BTBD8: variants seen among roughly 807,000 people sequenced by gnomAD.
BTBD8 encodes BTB domain containing 8, also known as BTB/POZ domain-containing protein 8.
In BTBD8, 110 loss-of-function variants were observed where a neutral mutation model predicts 162.9. The ratio of observed to expected loss-of-function variants is 0.68; its 90% confidence interval spans 0.58 to 0.79. BTBD8 has a LOEUF of 0.79. Among genes scored for constraint, BTBD8 ranks in the 30% least tolerant of loss-of-function variants. The pLI is 0.00. For synonymous variants in BTBD8, 667 were observed against 716.1 expected, an observed-to-expected ratio of 0.93 and a Z score of 1.10; for missense variants, 1,905 against 2,085.4, an observed-to-expected ratio of 0.91 and a Z score of 1.68.
intron 12 of BTBD8, among the ~76,000 whole-genome samples, chr1:92,169,911 CAA>C (rs1297479714): frequency 6.6e-6 from 1 of 152,026 alleles, no homozygotes; most frequent in African/African-American, 2.4e-5. Context: ...TTATTTTAAA[CAA>C]AAATTATGAG....
chr1:92,169,050 A>T (rs1456199622), intron 12 of BTBD8, 55 bp downstream of exon 12: 1 of 1,433,356 alleles, frequency 7.0e-7, no homozygotes, highest in Non-Finnish European at 9.4e-7. Context: ...GTGACAGCAG[A>T]TATTTTGAGG....
chr1:92,181,944 A>C lies in BTBD8; in HGVS notation c.4261A>C (p.Thr1421Pro), dbSNP rs1264461169. The change falls in exon 17 of 18, where the codon ACT becomes CCT. Residue 1421 changes from threonine to proline, a missense_variant. Transcript: ENST00000636805. ...GIINLAFEDA[T>P]ENECREFSAT... The stretch of plus-strand genomic sequence containing the variant: ...AATTAATTTAGCTTTTGAAGATGCA[A>C]CTGAAAATGAATGTCGTGAATTTTC... 2.6e-6 allele frequency: 4 copies of C among 1,551,702 alleles called. No homozygotes were observed. In the South Asian group the frequency reaches 4.8e-5, roughly 18 times the overall value.
chr1:92,091,150 G>A (rs920345629), intron 2 of BTBD8, among the ~76,000 whole-genome samples: 5 of 152,168 alleles, frequency 3.3e-5, no homozygotes, highest in African/African-American at 9.7e-5. Flanking sequence ...GATCATGGGG[G>A]TGGATTTCCC....
rs1282501402 is a variant in BTBD8, at chr1:92,177,153, T to A, written c.1960T>A (p.Ser654Thr). ...TGATAAGGCACGGTTGGAAAACATGTCACCTAGACAAGTTGTAGAAAGATC... is the reference window on the plus strand; with the variant it reads ...TGATAAGGCACGGTTGGAAAACATGACACCTAGACAAGTTGTAGAAAGATC... ...NGDKARLENM[S>T]PRQVVERSAT... The change falls in exon 14 of 18, where the codon TCA (serine) becomes ACA (threonine). Residue 654 changes from serine (S) to threonine (T), a missense_variant. By Grantham distance (58) the Ser-to-Thr change is moderately conservative (BLOSUM62 1). Coordinates refer to ENST00000636805, the MANE Select transcript of BTBD8 (RefSeq NM_001376131.1). The A allele has an allele frequency of 1.3e-6, 2 of 1,551,702 alleles. No homozygotes were observed. The highest frequency in any genetic ancestry group is 2.4e-5 in the South Asian group (2 of 84,064).
intron 9 of BTBD8, among the ~76,000 whole-genome samples, chr1:92,157,332 T>C (rs901816750): frequency 2.0e-5 from 3 of 152,186 alleles, no homozygotes; most frequent in African/African-American, 7.2e-5. Context: ...TGACCGAACA[T>C]GATAGATTCT....
intron 9 of BTBD8, among the ~76,000 whole-genome samples, chr1:92,163,928 C>G (rs1326854439): frequency 1.3e-5 from 2 of 152,104 alleles, no homozygotes; most frequent in Non-Finnish European, 2.9e-5. Context: ...ATGCTACTGT[C>G]AGAGCACATC....
chr1:92,162,478 A>G (rs944204286), intron 9 of BTBD8, among the ~76,000 whole-genome samples: 1 of 152,344 alleles, frequency 6.6e-6, no homozygotes, highest in East Asian at 1.9e-4. Context: ...ATTGAGTCCC[A>G]GTTGCCTACA....
rs1413885773 is a variant in BTBD8, at chr1:92,178,346, G to A, written c.2476G>A (p.Glu826Lys). Residue 826 changes from glutamate (E) to lysine (K), a missense_variant, in exon 16 of 18, where the codon GAG becomes AAG. By Grantham distance (56) the Glu-to-Lys change is moderately conservative (BLOSUM62 1). Around this residue, in one of 3 missense-constraint regions of BTBD8, gnomAD observed 1,374 missense variants for 1,442.7 expected, o/e 0.95. Transcript: ENST00000636805. The part of the protein sequence containing the change: ...LKKVSGKGCS[E>K]PVPQAILKKR... ...GAAAGTCAGTGGCAAAGGATGTAGTGAGCCAGTACCACAGGCAATTTTGAA... is the reference window on the plus strand; with the variant it reads ...GAAAGTCAGTGGCAAAGGATGTAGTAAGCCAGTACCACAGGCAATTTTGAA... The A allele has an allele frequency of 7.1e-6, 11 of 1,551,362 alleles. No homozygotes were observed. Among genetic ancestry groups the A allele is most frequent in the Non-Finnish European group, 9.6e-6 (11 of 1,146,676 alleles).
Position 92,119,713 on chromosome 1 carries a change from G to C in BTBD8, c.663-9974G>C, listed in dbSNP as rs564695702. ...GCGATCTCGGCTCACTGCAAGCTCC[G>C]CCTTCCGGGTTCACGCCGTTCTCCT... On this transcript the variant is annotated intron_variant, in intron 4 of 17. Transcript: ENST00000636805. Among the ~76,000 whole-genome samples the C allele has an allele frequency of 3.8e-4, 55 of 143,582 alleles. 1 individual carries two copies. Among genetic ancestry groups the C allele is most frequent in the African/African-American group, 1.4e-3 (53 of 38,520 alleles). 94.2% of individuals were successfully genotyped at this position (143,582 alleles called of 152,430 possible).
intron 9 of BTBD8, among the ~76,000 whole-genome samples, chr1:92,161,741 G>C (rs1482221528): frequency 6.6e-6 from 1 of 152,142 alleles, no homozygotes; most frequent in East Asian, 1.9e-4. Context: ...TAAATATTCT[G>C]ATTTATTCCT....
At position 92,181,594 on chromosome 1, in the gene BTBD8, C is replaced by T. The variant is rs1270868334; in HGVS notation, c.3911C>T (p.Thr1304Ile). 5 of 1,551,176 alleles carry T rather than the reference C, an allele frequency of 3.2e-6. No individual in the cohort carries two copies. The highest frequency in any genetic ancestry group is 4.4e-6 in the Non-Finnish European group (5 of 1,146,730). The change falls in exon 17 of 18, where the codon ACC becomes ATC. Residue 1304 changes from threonine (T) to isoleucine (I), a missense_variant. Transcript: ENST00000636805. ...TTTCTTGGAAGAAGTAGCAGTGATACCAGTACTCCTGAAGAATTAAAAATT... is the reference window on the plus strand; with the variant it reads ...TTTCTTGGAAGAAGTAGCAGTGATATCAGTACTCCTGAAGAATTAAAAATT... ...HDFLGRSSSD[T>I]STPEELKIYD...
At chr1:92,129,866 A>T in intron 5 of BTBD8, 90 bp downstream of exon 5, 4 of 1,081,952 alleles carry the variant, frequency 3.7e-6, no homozygotes, top group Non-Finnish European at 5.6e-6. Flanking sequence ...ATTTCCCTGG[A>T]TGTTCAAGGA....
rs780286621 is a variant in BTBD8 at position 92,091,131 on chromosome 1, A to T, written c.347+2236A>T. On this transcript the variant is annotated intron_variant, in intron 2 of 17. Transcript: ENST00000636805. ...AGTGTTGGAGGAGGGGCCTAGTGGG[A>T]GGTGATTGGATCATGGGGGTGGATT... Among the ~76,000 whole-genome samples, 59 of 151,972 alleles carry T rather than the reference A, an allele frequency of 3.9e-4. 1 individual carries two copies. Among genetic ancestry groups the T allele is most frequent in the Admixed American group, 7.9e-4 (12 of 15,246 alleles).
At chr1:92,121,832 TA>T (rs1398716400) in intron 4 of BTBD8, among the ~76,000 whole-genome samples, 2 of 151,960 alleles carry the variant, frequency 1.3e-5, no homozygotes, top group Non-Finnish European at 2.9e-5. Context: ...TTTGCCCATT[TA>T]TTTTTTTATT....
At chr1:92,117,940 G>T (rs1303113778) in intron 4 of BTBD8, among the ~76,000 whole-genome samples, 2 of 151,970 alleles carry the variant, frequency 1.3e-5, no homozygotes, top group Non-Finnish European at 2.9e-5. Context: ...TTAAATGGAA[G>T]GTAGGGAAGT....
In BTBD8 at chr1:92,184,207, C is replaced by T. The variant is rs1438795616; in HGVS notation, c.5256C>T (p.Asn1752=). 6.4e-7 allele frequency: 1 copy of T among 1,551,414 alleles called. No homozygotes were observed. Among genetic ancestry groups the T allele is most frequent in the African/African-American group, 1.4e-5 (1 of 73,054 alleles). The change falls in exon 18 of 18, where the codon AAC becomes AAT. Residue 1752 remains asparagine, a synonymous_variant. Coordinates refer to ENST00000636805, the MANE Select transcript of BTBD8 (RefSeq NM_001376131.1). ...GTATAACACATATTGACACTTTGAA[C>T]AGATGGAGTGAACTAACATCTCCAC... ...PQGITHIDTL[N]RWSELTSPLD...
chr1:92,146,877 T>G (rs1003294833), intron 7 of BTBD8, among the ~76,000 whole-genome samples: 1 of 152,186 alleles, frequency 6.6e-6, no homozygotes, highest in Non-Finnish European at 1.5e-5. Context: ...CATGGTTGCT[T>G]CCAAGTTTGG....
chr1:92,141,625 T>TTCTCTTATGCCAGTC (rs1294732345), intron 7 of BTBD8, among the ~76,000 whole-genome samples: 1 of 152,194 alleles, frequency 6.6e-6, no homozygotes, highest in African/African-American at 2.4e-5. Flanking sequence ...TGGAATGTAG[T>TTCTCTTATGCCAGTC]TCTCTTATGC....
At position 92,166,982 on chromosome 1, in the gene BTBD8, C is replaced by G; in HGVS notation, c.1147C>G (p.Leu383Val). The change falls in exon 10 of 18, where the codon CTG (leucine) becomes GTG (valine). Residue 383 changes from leucine (L) to valine (V), a missense_variant. By Grantham distance (32) the Leu-to-Val change is conservative (BLOSUM62 1). Around this residue, in one of 3 missense-constraint regions of BTBD8, gnomAD observed 1,374 missense variants for 1,442.7 expected, o/e 0.95. Transcript: ENST00000636805. ...SLNDKNAAFL[L>V]MESDRLIISL... Reference sequence around the variant, plus strand: ...GAATGATAAGAATGCTGCTTTTCTTCTGATGGAAAGTGACAGGCTAATCAT... The same window carrying G: ...GAATGATAAGAATGCTGCTTTTCTTGTGATGGAAAGTGACAGGCTAATCAT... The G allele has an allele frequency of 1.3e-6, 2 of 1,546,312 alleles. No homozygotes were observed. Among genetic ancestry groups the G allele is most frequent in the Non-Finnish European group, 1.7e-6 (2 of 1,144,906 alleles).
Sources: allele counts gnomAD v4.1 joint callset (sites outside exome capture counted in the v4.1 genomes callset), GRCh38; gene constraint gnomAD v4.1.1; regional missense constraint gnomAD v4.1.1; transcripts MANE v1.5; gene names NCBI Gene and HGNC (gene_info 2026-07-23, HGNC 2026-07-21).